GRIP1: variants seen among roughly 807,000 people sequenced by gnomAD.
The protein encoded by GRIP1 is glutamate receptor interacting protein 1.
Under a neutral mutation model 129.9 loss-of-function variants are expected in GRIP1, and 45 were observed. That is an observed-to-expected ratio of 0.35 (90% CI 0.27 to 0.44). The LOEUF is 0.44. Among genes scored for constraint, GRIP1 ranks in the 20% least tolerant of loss-of-function variants. GRIP1 has a pLI of 1.00. For missense variants in GRIP1, 1,196 were observed against 1,396.8 expected, an observed-to-expected ratio of 0.86 and a Z score of 2.29; for synonymous variants, 530 against 520.8, an observed-to-expected ratio of 1.02 and a Z score of -0.24.
intron 1 of GRIP1, among the ~76,000 whole-genome samples, chr12:66,886,151 A>G (rs1447730298): frequency 2.0e-5 from 3 of 152,056 alleles, no homozygotes. Context: ...CTGTAGTCCC[A>G]GCTAGTTGGG....
At chr12:66,458,425 C>T (rs1016723917) in intron 9 of GRIP1, among the ~76,000 whole-genome samples, 1 of 152,130 alleles carries the variant, frequency 6.6e-6, no homozygotes, top group Non-Finnish European at 1.5e-5. Context: ...ACTCTTGTCA[C>T]TCAGGATGGA....
chr12:66,435,430 C>T (rs1414239822), intron 13 of GRIP1, among the ~76,000 whole-genome samples: 1 of 152,078 alleles, frequency 6.6e-6, no homozygotes, highest in East Asian at 1.9e-4. Context: ...TCTCAAACTC[C>T]CAGGCTCAAG....
At chr12:66,790,341 T>A (rs1032683954) in intron 1 of GRIP1, among the ~76,000 whole-genome samples, 1 of 152,160 alleles carries the variant, frequency 6.6e-6, no homozygotes, top group African/African-American at 2.4e-5. Context: ...ACAGAATACT[T>A]TACCTCAAAA....
intron 1 of GRIP1, among the ~76,000 whole-genome samples, chr12:66,835,890 T>C (rs1429189605): frequency 6.6e-6 from 1 of 152,088 alleles, no homozygotes; most frequent in Non-Finnish European, 1.5e-5. Flanking sequence ...CAACTATCAA[T>C]TTAGGTTCAT....
intron 1 of GRIP1, among the ~76,000 whole-genome samples, chr12:66,686,934 C>T (rs2034806715): frequency 6.6e-6 from 1 of 152,092 alleles, no homozygotes. Context: ...TGATGGCACA[C>T]ACCTGTGGTC....
chr12:66,539,718 C>A (rs897732795), intron 3 of GRIP1, among the ~76,000 whole-genome samples: 4 of 151,910 alleles, frequency 2.6e-5, no homozygotes, highest in African/African-American at 9.7e-5. Flanking sequence ...GGAGTTTGTC[C>A]AGGACTAAGG....
At chr12:66,351,621 G>A (rs891426916) in intron 24 of GRIP1, among the ~76,000 whole-genome samples, 10 of 146,704 alleles carry the variant, frequency 6.8e-5, no homozygotes, top group Admixed American at 4.2e-4. Flanking sequence ...GCATGATCTC[G>A]GCTCACTGCA....
intron 2 of GRIP1, among the ~76,000 whole-genome samples, chr12:66,581,624 C>T (rs536003830): frequency 9.5e-4 from 144 of 151,582 alleles, no homozygotes; most frequent in African/African-American, 3.2e-3. Context: ...ATACTACAAA[C>T]ACCTCTACGC....
rs2058929456 is a variant in GRIP1 at position 66,455,453 on chromosome 12, G to C, written c.1310C>G (p.Thr437Ser). 1 of 1,613,910 alleles carries C rather than the reference G, an allele frequency of 6.2e-7. No individual in the cohort carries two copies. Among genetic ancestry groups the C allele is most frequent in the African/African-American group, 1.3e-5 (1 of 74,910 alleles). The change falls in exon 11 of 25, where the codon ACC becomes AGC. Residue 437 changes from threonine (T) to serine (S), a missense_variant. Transcript: ENST00000359742. ...RSLYSTSPRGTMMRRRLKKKD... is the reference protein window; with the variant it reads ...RSLYSTSPRGSMMRRRLKKKD... Reference sequence around the variant, plus strand: ...CTTTTTCAGTCTCCTCCTCATCATGGTTCCACGTGGGCTGGTGGAGTAGAG... The same window carrying C: ...CTTTTTCAGTCTCCTCCTCATCATGCTTCCACGTGGGCTGGTGGAGTAGAG...
chr12:66,594,117 TACTC>T (rs1004090658), intron 2 of GRIP1, among the ~76,000 whole-genome samples: 5 of 150,836 alleles, frequency 3.3e-5, no homozygotes, highest in Non-Finnish European at 7.4e-5. Flanking sequence ...TGTGTTTGCT[TACTC>T]CCCAGCAGCT....
intron 1 of GRIP1, among the ~76,000 whole-genome samples, chr12:66,768,711 A>G (rs1323864206): frequency 6.6e-6 from 1 of 152,224 alleles, no homozygotes; most frequent in Non-Finnish European, 1.5e-5. Flanking sequence ...AATAACATCT[A>G]TCCTTTTGAT....
At chr12:67,050,774 T>C (rs2043331936) in intron 1 of GRIP1, among the ~76,000 whole-genome samples, 1 of 152,120 alleles carries the variant, frequency 6.6e-6, no homozygotes. Flanking sequence ...ACCAAATAAA[T>C]GTTGCAACCT....
intron 2 of GRIP1, among the ~76,000 whole-genome samples, chr12:66,560,458 C>T (rs186356282): frequency 6.6e-6 from 1 of 151,848 alleles, no homozygotes; most frequent in East Asian, 1.9e-4. Context: ...ATAAGGAGCT[C>T]AAACAACTCT....
chr12:66,811,327 A>G (rs1391781709), intron 1 of GRIP1, among the ~76,000 whole-genome samples: 1 of 152,202 alleles, frequency 6.6e-6, no homozygotes, highest in Non-Finnish European at 1.5e-5. Context: ...GATTTCAAAA[A>G]TGTTCATTGT....
chr12:66,624,410 A>C (rs1021281145), intron 1 of GRIP1, among the ~76,000 whole-genome samples: 2 of 152,174 alleles, frequency 1.3e-5, no homozygotes, highest in African/African-American at 4.8e-5. Flanking sequence ...TAAAGAGAGA[A>C]AAAAATTAGA....
intron 1 of GRIP1, among the ~76,000 whole-genome samples, chr12:66,954,606 TA>T (rs2041810544): frequency 1.3e-5 from 2 of 152,164 alleles, no homozygotes; most frequent in African/African-American, 4.8e-5. Flanking sequence ...CAAAAGTGCC[TA>T]AAGAATAATT....
chr12:66,592,232 T>C (rs971960708), intron 2 of GRIP1, among the ~76,000 whole-genome samples: 6 of 152,218 alleles, frequency 3.9e-5, no homozygotes, highest in Admixed American at 3.9e-4. Flanking sequence ...ACTTTGATTG[T>C]TCAACAGATG....
intron 1 of GRIP1, among the ~76,000 whole-genome samples, chr12:66,957,660 T>C (rs2041862868): frequency 6.6e-6 from 1 of 152,286 alleles, no homozygotes; most frequent in African/African-American, 2.4e-5. Context: ...TCATAGGTTC[T>C]GAAGAGTAAG....
rs1592404299 is a variant in GRIP1, at chr12:66,967,128, C to T, written c.58+101922G>A. On this transcript the variant is annotated intron_variant, in intron 1 of 1. Coordinates refer to the GRIP1 transcript ENST00000643019. Reference sequence around the variant, plus strand: ...TTAGTGGTATCAGTTGTTCTCTAAGCATTGCTTTCCTTGCATCCCACAATT... The same window carrying T: ...TTAGTGGTATCAGTTGTTCTCTAAGTATTGCTTTCCTTGCATCCCACAATT... Among the ~76,000 whole-genome samples the T allele has an allele frequency of 4.6e-5, 7 of 152,234 alleles. No individual in the cohort carries two copies. The South Asian group carries it at 1.5e-3, about 32-fold the overall frequency.
Sources: gnomAD v4.1 joint callset for allele counts (sites outside exome capture counted in the v4.1 genomes callset) on GRCh38, gnomAD v4.1.1 for gene constraint, MANE v1.5 for transcripts, NCBI Gene and HGNC (gene_info 2026-07-23, HGNC 2026-07-21) for gene names.